Variants in RYR3 observed in about 807,000 individuals in gnomAD.
RYR3 encodes the protein brain ryanodine receptor-calcium release channel.
In RYR3, 207 loss-of-function variants were observed where a neutral mutation model predicts 584.3. The ratio of observed to expected loss-of-function variants is 0.35; its 90% CI spans 0.32 to 0.40. The LOEUF (loss-of-function observed/expected upper bound fraction) is 0.40, where lower values mean the gene tolerates loss of function less well. Among genes scored for constraint, RYR3 ranks in the 10% least tolerant of loss-of-function variants. The probability of loss-of-function intolerance (pLI) is 1.00; values close to 1 mark genes in which losing one functional copy is unlikely to be tolerated. For synonymous variants in RYR3, 2,416 were observed against 2,248.5 expected (o/e 1.07, Z -2.11); for missense variants, 5,616 against 6,089.2 (o/e 0.92, Z 2.59).
chr15:33,727,327 A>T (rs1047471057), intron 46 of RYR3, among the ~76,000 whole-genome samples: 5 of 152,248 alleles, frequency 3.3e-5, no homozygotes, highest in African/African-American at 1.2e-4. Context: ...AATTGAAAAC[A>T]TATGATTCCA....
rs754047679 is a variant in RYR3, at chr15:33,631,272, A to G, written c.2846A>G (p.Lys949Arg). 8.8e-6 allele frequency: 14 copies of G among 1,586,932 alleles called. No individual in the cohort carries two copies. The highest frequency in any genetic ancestry group is 3.6e-5 in the Admixed American group (2 of 56,138). The change falls in exon 23 of 104, where the codon AAG becomes AGG. Residue 949 changes from lysine to arginine, a missense_variant. This residue lies in a region of RYR3 where 1,284 missense variants were observed against 1,344.6 expected (regional missense o/e 0.95). Coordinates refer to ENST00000634891, the MANE Select transcript of RYR3 (RefSeq NM_001036.6). ...HVNPAAEEDL[K>R]KVKLPKNYMM... The stretch of plus-strand genomic sequence containing the variant: ...AACCCAGCTGCTGAGGAGGATCTCA[A>G]GAAGGTCAAACTGCCCAAAAAGTAG...
At chr15:33,641,494 A>G (rs532089171) in intron 27 of RYR3, among the ~76,000 whole-genome samples, 12 of 152,372 alleles carry the variant, frequency 7.9e-5, no homozygotes, top group African/African-American at 2.9e-4. Context: ...TAAATGCCTC[A>G]AATAAAGAAG....
chr15:33,689,411 CTA>C (rs145939219), intron 38 of RYR3, among the ~76,000 whole-genome samples: 2 of 151,884 alleles, frequency 1.3e-5, no homozygotes, highest in East Asian at 3.9e-4. Context: ...CCCATGGATA[CTA>C]TATATATATG....
Position 33,788,277 on chromosome 15 carries a change from C to T in RYR3, c.9649C>T (p.Pro3217Ser), listed in dbSNP as rs868375613. ...RPDLLRSHFIPTLEKLKKKAV... is the reference protein window; with the variant it reads ...RPDLLRSHFISTLEKLKKKAV... Reference sequence around the variant, plus strand: ...CGACCTGCTGAGAAGCCACTTCATCCCAACTCTGGAGAAGCTGAAGAAAAA... The same window carrying T: ...CGACCTGCTGAGAAGCCACTTCATCTCAACTCTGGAGAAGCTGAAGAAAAA... Residue 3217 changes from proline (P) to serine (S), a missense_variant, in exon 67 of 104, where the codon CCA becomes TCA. Physicochemically the swap from Pro to Ser is moderately conservative, Grantham distance 74. Coordinates refer to ENST00000634891, the MANE Select transcript of RYR3 (RefSeq NM_001036.6). The T allele has an allele frequency of 1.9e-6, 3 of 1,613,992 alleles. No homozygotes were observed. Among genetic ancestry groups the T allele is most frequent in the Non-Finnish European group, 2.5e-6 (3 of 1,179,870 alleles).
At chr15:33,713,461 A>T (rs937543486) in intron 43 of RYR3, among the ~76,000 whole-genome samples, 1 of 151,698 alleles carries the variant, frequency 6.6e-6, no homozygotes, top group Non-Finnish European at 1.5e-5. Flanking sequence ...GTGCATGGTC[A>T]TATAGGGGGG....
chr15:33,488,744 C>T (rs1003008450), intron 2 of RYR3, among the ~76,000 whole-genome samples: 7 of 152,006 alleles, frequency 4.6e-5, no homozygotes, highest in Non-Finnish European at 7.4e-5. Flanking sequence ...TCCAGCTATT[C>T]GGGAGGCTGA....
chr15:33,730,379 A>G (rs2068847332), intron 47 of RYR3, among the ~76,000 whole-genome samples: 1 of 152,190 alleles, frequency 6.6e-6, no homozygotes. Context: ...ACATTCATGC[A>G]TTCTCTTTTG....
At chr15:33,575,844 A>AT (rs1567574515) in intron 12 of RYR3, among the ~76,000 whole-genome samples, 18 of 151,356 alleles carry the variant, frequency 1.2e-4, no homozygotes, top group African/African-American at 4.4e-4. Context: ...TAAAAAAAAA[A>AT]AATTAATAAA....
At position 33,662,265 on chromosome 15, in the gene RYR3, G is replaced by A. The variant is rs202160360; in HGVS notation, c.4735G>A (p.Ala1579Thr). 2.0e-5 allele frequency: 32 copies of A among 1,610,376 alleles called. No individual in the cohort carries two copies. The African/African-American group carries it at 3.3e-4, about 17-fold the overall frequency. The stretch of plus-strand genomic sequence containing the variant: ...CCTGGGAAACAGCCGCGTGGCCTAC[G>A]CCCTGTGCAGCCACGTGGACCTCTC... ...CALGNSRVAY[A>T]LCSHVDLSQL... Residue 1579 changes from alanine (A) to threonine (T), a missense_variant, in exon 35 of 104, where the codon GCC (alanine) becomes ACC (threonine). Ala to Thr is a moderately conservative substitution (Grantham distance 58, BLOSUM62 0). Transcript: ENST00000634891.
In RYR3 at chr15:33,782,829, A is replaced by C. The variant is rs113773111; in HGVS notation, c.9268+2488A>C. 1.3e-4 allele frequency among the ~76,000 whole-genome samples: 20 copies of C among 152,314 alleles called. 1 individual carries two copies. The highest frequency in any genetic ancestry group is 4.6e-4 in the African/African-American group (19 of 41,568). ...AACATCCTGGTGCATTTTCTTCCTT[A>C]TCCAAAAATTATTAAGATATACCTA... On this transcript the variant is annotated intron_variant, in intron 65 of 103. Transcript: ENST00000634891.
chr15:33,640,992 C>T (rs1173192763), intron 27 of RYR3, among the ~76,000 whole-genome samples: 1 of 152,082 alleles, frequency 6.6e-6, no homozygotes, highest in Non-Finnish European at 1.5e-5. Context: ...CCAGTAGGTC[C>T]TTTTATCCAG....
intron 38 of RYR3, among the ~76,000 whole-genome samples, chr15:33,670,832 A>G (rs1259558571): frequency 2.0e-5 from 3 of 152,044 alleles, no homozygotes; most frequent in African/African-American, 7.2e-5. Flanking sequence ...CTGTAAATAC[A>G]TGTCTGTTCT....
chr15:33,527,586 CAAAAAA>C (rs34864486), intron 3 of RYR3, among the ~76,000 whole-genome samples: 2 of 127,564 alleles, frequency 1.6e-5, no homozygotes, highest in Middle Eastern at 3.7e-3. Flanking sequence ...AACTCTGTCT[CAAAAAA>C]AAAAAAAAAG....
At chr15:33,428,595 T>A (rs1465962913) in intron 1 of RYR3, among the ~76,000 whole-genome samples, 1 of 152,144 alleles carries the variant, frequency 6.6e-6, no homozygotes, top group Non-Finnish European at 1.5e-5. Flanking sequence ...TATTCAGAGT[T>A]TTTTTTTCTG....
At chr15:33,433,404 A>G (rs2045375225) in intron 1 of RYR3, among the ~76,000 whole-genome samples, 1 of 152,172 alleles carries the variant, frequency 6.6e-6, no homozygotes, top group African/African-American at 2.4e-5. Flanking sequence ...TTGGTCATTC[A>G]ACATTTTATA....
chr15:33,817,333 T>C (rs1014070005), intron 75 of RYR3, among the ~76,000 whole-genome samples: 3 of 152,216 alleles, frequency 2.0e-5, no homozygotes, highest in Non-Finnish European at 4.4e-5. Context: ...AAGATGCATC[T>C]AGATACCCTT....
At chr15:33,655,072 C>G (rs1247838137) in intron 32 of RYR3, among the ~76,000 whole-genome samples, 2 of 152,202 alleles carry the variant, frequency 1.3e-5, no homozygotes, top group Non-Finnish European at 2.9e-5. Flanking sequence ...AGTGCATGAC[C>G]CTCTCTGCAC....
rs749910803 is a variant in RYR3 at position 33,634,443 on chromosome 15, C to A, written c.3028-143C>A. The A allele has an allele frequency of 9.6e-4, 646 of 674,716 alleles. 2 individuals are homozygous for A. The highest frequency in any genetic ancestry group is 1.8e-3 in the Middle Eastern group (6 of 3,316). The allele number at this position is 674,716 out of a possible 1,614,324, so 41.8% of individuals were successfully genotyped here. ...AGGAGAAGTGGCAATATGTACATTG[C>A]TAAATGTGAAGGCACTGAGGGAAGG... On this transcript the variant is annotated intron_variant, in intron 24 of 103. Transcript: ENST00000634891.
At chr15:33,747,758 C>T (rs1433592571) in intron 53 of RYR3, among the ~76,000 whole-genome samples, 1 of 152,122 alleles carries the variant, frequency 6.6e-6, no homozygotes, top group Non-Finnish European at 1.5e-5. Context: ...ATTATCTTTC[C>T]CAAACTCACA....
Sources: allele counts gnomAD v4.1 joint callset (sites outside exome capture counted in the v4.1 genomes callset), GRCh38; gene constraint gnomAD v4.1.1; regional missense constraint gnomAD v4.1.1; transcripts MANE v1.5; gene names NCBI Gene and HGNC (gene_info 2026-07-23, HGNC 2026-07-21).